The following SRPK1 variants were observed in gnomAD, a reference collection of about 807,000 sequenced individuals.
The protein encoded by SRPK1 is SFRS protein kinase 1.
SRPK1 carries 52 observed loss-of-function variants against 89.5 expected under a neutral mutation model. The observed-to-expected ratio is 0.58, with a 90% confidence interval of 0.46 to 0.73. The LOEUF (loss-of-function observed/expected upper bound fraction) is 0.73, where lower values mean the gene tolerates loss of function less well. Ranked by LOEUF, SRPK1 falls within the 30% of genes least tolerant of loss-of-function variation. The pLI, the probability that SRPK1 is intolerant of heterozygous loss-of-function variation, is 0.00. For missense variants in SRPK1, 603 were observed against 780.6 expected (o/e 0.77, Z 2.71); for synonymous variants, 255 against 270.2 (o/e 0.94, Z 0.55).
intron 6 of SRPK1, among the ~76,000 whole-genome samples, chr6:35,878,846 T>C (rs181185352): frequency 5.3e-5 from 8 of 152,268 alleles, no homozygotes; most frequent in Non-Finnish European, 8.8e-5. Context: ...ATCCCAGCAC[T>C]TTGGGAGGCC....
chr6:35,866,308 G>A (rs567040890), intron 12 of SRPK1, among the ~76,000 whole-genome samples: 3 of 152,118 alleles, frequency 2.0e-5, no homozygotes, highest in Admixed American at 1.3e-4. Context: ...ATGAATGGCC[G>A]GGCGCGGTGG....
chr6:35,887,725 C>A (rs1289079878), intron 5 of SRPK1: 1 of 231,792 alleles, frequency 4.3e-6, no homozygotes, highest in Non-Finnish European at 8.2e-6. Flanking sequence ...GAAAAAAAAA[C>A]ATTATGACAG....
intron 2 of SRPK1, among the ~76,000 whole-genome samples, chr6:35,894,685 T>A (rs1267102743): frequency 7.2e-5 from 11 of 151,902 alleles, no homozygotes; most frequent in East Asian, 3.9e-4. Flanking sequence ...ATCTATCTCA[T>A]CAGAAAGCCA....
chr6:35,907,518 C>T (rs544644426), intron 2 of SRPK1, among the ~76,000 whole-genome samples: 5 of 151,920 alleles, frequency 3.3e-5, no homozygotes, highest in Admixed American at 1.3e-4. Flanking sequence ...CCAGCCTGAC[C>T]AACATAGTGA....
intron 13 of SRPK1, among the ~76,000 whole-genome samples, chr6:35,844,005 GTTTTTT>G (rs35051574): frequency 8.0e-6 from 1 of 125,704 alleles, no homozygotes; most frequent in Non-Finnish European, 1.6e-5. Context: ...CACAACAGCA[GTTTTTT>G]TTTTTTTTTT....
intron 5 of SRPK1, among the ~76,000 whole-genome samples, chr6:35,887,040 C>A (rs1336846395): frequency 6.6e-6 from 1 of 152,158 alleles, no homozygotes. Flanking sequence ...CTATTTTGCT[C>A]CCTGATATCA....
At chr6:35,865,437 CA>C (rs1237901170) in intron 12 of SRPK1, among the ~76,000 whole-genome samples, 1 of 151,470 alleles carries the variant, frequency 6.6e-6, no homozygotes, top group African/African-American at 2.4e-5. Flanking sequence ...CACAGAATTA[CA>C]AAAAACAATT....
chr6:35,896,292 G>A (rs987734041), intron 2 of SRPK1, among the ~76,000 whole-genome samples: 6 of 152,314 alleles, frequency 3.9e-5, no homozygotes, highest in Non-Finnish European at 5.9e-5. Context: ...AGAACTGATT[G>A]GGTGGTGTAT....
chr6:35,870,389 C>CT lies in SRPK1; in HGVS notation c.882dup (p.Glu295ArgfsTer20), dbSNP rs868103607. ...GGTCTTTTTTGCCCAGGGCCCGACT[C>CT]TTTCTCCATTTCCTCAATTTCCTGC... is the stretch of plus-strand genomic sequence containing the variant. On this transcript the variant is annotated frameshift_variant, in exon 10 of 16. Coordinates refer to ENST00000373825, the MANE Select transcript of SRPK1 (RefSeq NM_003137.5). LOFTEE classifies it high-confidence loss of function. 6.3e-7 allele frequency: 1 copy of CT among 1,597,246 alleles called. No individual in the cohort carries two copies. Among genetic ancestry groups the CT allele is most frequent in the African/African-American group, 1.3e-5 (1 of 74,790 alleles).
At position 35,833,016 on chromosome 6, in the gene SRPK1, G is replaced by T. The variant is rs1206783653; in HGVS notation, c.*2288C>A. 1 of 152,608 alleles carries T rather than the reference G, an allele frequency of 6.6e-6. No homozygotes were observed. Among genetic ancestry groups the T allele is most frequent in the Non-Finnish European group, 1.5e-5 (1 of 68,048 alleles). 9.5% of individuals were successfully genotyped at this position (152,608 alleles called of 1,614,324 possible). On this transcript the variant is annotated 3_prime_UTR_variant, in exon 16 of 16. Coordinates refer to ENST00000373825, the MANE Select transcript of SRPK1 (RefSeq NM_003137.5). ...GAGCAATTTGGACAACAAATGAACA[G>T]AGATTTTTGGAAACATGTAGGTTAT... is the stretch of plus-strand genomic sequence containing the variant.
intron 6 of SRPK1, among the ~76,000 whole-genome samples, chr6:35,882,055 G>A (rs1009987814): frequency 6.6e-6 from 1 of 150,546 alleles, no homozygotes; most frequent in Non-Finnish European, 1.5e-5. Context: ...AGAACAATAA[G>A]AACAACCAGT....
At chr6:35,855,871 A>G (rs765925918) in intron 13 of SRPK1, among the ~76,000 whole-genome samples, 10 of 152,184 alleles carry the variant, frequency 6.6e-5, no homozygotes, top group Admixed American at 1.3e-4. Context: ...AGTAGCTGGG[A>G]TTATAGGCAT....
chr6:35,911,517 C>T (rs1482841101), intron 2 of SRPK1, among the ~76,000 whole-genome samples: 4 of 151,878 alleles, frequency 2.6e-5, no homozygotes, highest in Non-Finnish European at 5.9e-5. Flanking sequence ...GAGTTCAAGA[C>T]CAGCATGGGC....
chr6:35,858,987 T>C (rs147987556), intron 12 of SRPK1, among the ~76,000 whole-genome samples: 218 of 152,244 alleles, frequency 1.4e-3, no homozygotes, highest in African/African-American at 5.0e-3. Context: ...TGGGTAAAAG[T>C]ATGGGATTGA....
intron 12 of SRPK1, among the ~76,000 whole-genome samples, chr6:35,861,335 G>C (rs763785471): frequency 1.6e-4 from 25 of 152,314 alleles, no homozygotes; most frequent in South Asian, 1.2e-3. Context: ...CTGACATGCA[G>C]AACTGCCTAA....
chr6:35,919,923 A>G lies in SRPK1; in HGVS notation c.74+545T>C, dbSNP rs924634198. Reference sequence around the variant, plus strand: ...CAGCGGTCTGCCGGCACACTGCAAAAAAGCCGATACGCCTTACAGGCTCAG... The same window carrying G: ...CAGCGGTCTGCCGGCACACTGCAAAGAAGCCGATACGCCTTACAGGCTCAG... On this transcript the variant is annotated intron_variant, in intron 2 of 15. Transcript: ENST00000373825. 3.0e-5 allele frequency: 11 copies of G among 372,196 alleles called. No individual in the cohort carries two copies. The East Asian group carries it at 8.0e-4, about 27-fold the overall frequency. The allele number at this position is 372,196 out of a possible 1,614,324, so 23.1% of individuals were successfully genotyped here. A position where few individuals can be genotyped will look rare whatever the true frequency, so the allele number is the denominator to read the frequency against.
At chr6:35,882,946 T>C (rs1200485079) in intron 6 of SRPK1, among the ~76,000 whole-genome samples, 1 of 152,080 alleles carries the variant, frequency 6.6e-6, no homozygotes, top group African/African-American at 2.4e-5. Context: ...GTAGCTGGGA[T>C]TACAGGCACG....
intron 10 of SRPK1, 21 bp downstream of exon 10, chr6:35,870,260 T>G (rs1770001832): frequency 1.2e-6 from 2 of 1,600,600 alleles, no homozygotes; most frequent in Non-Finnish European, 1.7e-6. Flanking sequence ...TACAGTAATT[T>G]TCGTGATGTT....
At position 35,888,923 on chromosome 6, in the gene SRPK1, C is replaced by A; in HGVS notation, c.194G>T (p.Gly65Val). The change falls in exon 4 of 16, where the codon GGA becomes GTA. Residue 65 changes from glycine (G) to valine (V), a missense_variant and splice_region_variant. Physicochemically the swap from Gly to Val is moderately radical, Grantham distance 109. Transcript: ENST00000373825. ...TCCAATTTTCACAAGATGATAACCT[C>A]CTGGAAGAAACAGGGGAAATACAAT... ...EQEDPNDYCK[G>V]GYHLVKIGDL... 6.3e-7 allele frequency: 1 copy of A among 1,599,930 alleles called. No individual in the cohort carries two copies. The highest frequency in any genetic ancestry group is 8.6e-7 in the Non-Finnish European group (1 of 1,167,624).
Sources: allele counts gnomAD v4.1 joint callset (sites outside exome capture counted in the v4.1 genomes callset), GRCh38; gene constraint gnomAD v4.1.1; transcripts MANE v1.5; gene names NCBI Gene and HGNC (gene_info 2026-07-23, HGNC 2026-07-21).